Variants in PRKCH observed in about 807,000 individuals in gnomAD.
PRKCH encodes protein kinase C eta type.
Under a neutral mutation model 82.5 loss-of-function variants are expected in PRKCH, and 28 were observed. The ratio of observed to expected loss-of-function variants is 0.34; its 90% CI spans 0.25 to 0.47. The LOEUF is 0.47. Ranked by LOEUF, PRKCH falls within the 20% of genes least tolerant of loss-of-function variation. PRKCH has a pLI of 1.00. For missense variants in PRKCH, 705 were observed against 881.8 expected (o/e 0.80, Z 2.54); for synonymous variants, 322 against 327.4 (o/e 0.98, Z 0.18).
chr14:61,358,205 A>C (rs1028897034), intron 1 of PRKCH, among the ~76,000 whole-genome samples: 3 of 152,142 alleles, frequency 2.0e-5, no homozygotes, highest in Non-Finnish European at 4.4e-5. Context: ...GGGGATAAAA[A>C]TACTATCCAT....
intron 4 of PRKCH, 41 bp downstream of exon 4, chr14:61,445,767 A>G (rs1460477850): frequency 7.7e-6 from 12 of 1,555,956 alleles, no homozygotes; most frequent in Non-Finnish European, 1.1e-5. Context: ...TTTTGTTCCT[A>G]TGTTAAAAGA....
chr14:61,329,324 C>T (rs1311252577), intron 1 of PRKCH, among the ~76,000 whole-genome samples: 1 of 135,978 alleles, frequency 7.4e-6, no homozygotes, highest in Non-Finnish European at 1.6e-5. Context: ...TCAACCTCCG[C>T]CTCCCAGGTT....
At position 61,545,709 on chromosome 14, in the gene PRKCH, A is replaced by G. The variant is rs1594802769; in HGVS notation, c.1762-2034A>G. On this transcript the variant is annotated intron_variant, in intron 12 of 13. Transcript: ENST00000332981. ...TAAGTATCAAGCTAGTGAAAGGGTT[A>G]TTCTGCCTGTCCCCAATTCCAAGGG... Among the ~76,000 whole-genome samples, 3 of 152,362 alleles carry G rather than the reference A, an allele frequency of 2.0e-5. No homozygotes were observed. The Middle Eastern group carries it at 0.01, about 518-fold the overall frequency.
At chr14:61,486,209 A>G (rs3783772) in intron 10 of PRKCH, among the ~76,000 whole-genome samples, 131,962 of 151,710 alleles carry the variant, frequency 0.87, 59,003 homozygotes, top group Non-Finnish European at 0.96. Flanking sequence ...TAACATTTGA[A>G]GTGAATCCCT....
At chr14:61,245,676 A>C (rs76238241) in intron 1 of PRKCH, among the ~76,000 whole-genome samples, 10,491 of 58,204 alleles carry the variant, frequency 0.18, 414 homozygotes, top group Middle Eastern at 0.26. Context: ...CAGCCTCCTA[A>C]GGCACAGAGT....
chr14:61,358,806 G>A (rs1224325282), intron 1 of PRKCH, among the ~76,000 whole-genome samples: 1 of 152,046 alleles, frequency 6.6e-6, no homozygotes, highest in Non-Finnish European at 1.5e-5. Context: ...TGTGTTCCCT[G>A]TGCAGGCCCT....
At chr14:61,249,935 C>T (rs1252955708) in intron 1 of PRKCH, among the ~76,000 whole-genome samples, 1 of 150,866 alleles carries the variant, frequency 6.6e-6, no homozygotes, top group African/African-American at 2.4e-5. Flanking sequence ...TGGCAATTTA[C>T]CCAAATGTAT....
chr14:61,224,198 C>T (rs779390258), intron 1 of PRKCH, among the ~76,000 whole-genome samples: 42 of 152,128 alleles, frequency 2.8e-4, no homozygotes, highest in Non-Finnish European at 3.5e-4. Flanking sequence ...ACTTTTCCAC[C>T]TGTTTTTTAA....
At chr14:61,454,661 C>G (rs1884676802) in intron 7 of PRKCH, among the ~76,000 whole-genome samples, 1 of 152,220 alleles carries the variant, frequency 6.6e-6, no homozygotes, top group Non-Finnish European at 1.5e-5. Flanking sequence ...ACAGGAGTCT[C>G]TCCCTCTGGA....
At chr14:61,413,691 C>A (rs149858191) in intron 2 of PRKCH, among the ~76,000 whole-genome samples, 6 of 152,066 alleles carry the variant, frequency 3.9e-5, no homozygotes, top group Non-Finnish European at 7.4e-5. Flanking sequence ...CAGGCCTCCT[C>A]CTCCTAAAAA....
In PRKCH at chr14:61,242,464, C is replaced by T. The variant is rs542652526; in HGVS notation, c.-19+54796C>T. On this transcript the variant is annotated intron_variant, in intron 1 of 3. Coordinates refer to the PRKCH transcript ENST00000555185. Reference sequence around the variant, plus strand: ...CCAGGCTGGAGTGCAGTGGCACGATCTCAGCTCACCACAACCTCTGCCTCC... The same window carrying T: ...CCAGGCTGGAGTGCAGTGGCACGATTTCAGCTCACCACAACCTCTGCCTCC... Among the ~76,000 whole-genome samples, 3 of 152,342 alleles carry T rather than the reference C, an allele frequency of 2.0e-5. No individual in the cohort carries two copies. In the South Asian group the frequency reaches 6.2e-4, roughly 32 times the overall value.
chr14:61,398,056 C>A (rs1381525389), intron 2 of PRKCH, among the ~76,000 whole-genome samples: 10 of 152,188 alleles, frequency 6.6e-5, no homozygotes, highest in African/African-American at 2.4e-4. Flanking sequence ...TGCAGAATTC[C>A]CCTAGGCACT....
At chr14:61,486,037 C>T (rs1886206582) in intron 10 of PRKCH, among the ~76,000 whole-genome samples, 1 of 152,328 alleles carries the variant, frequency 6.6e-6, no homozygotes, top group South Asian at 2.1e-4. Flanking sequence ...TAAACACTGC[C>T]TGCAATCTAA....
intron 1 of PRKCH, among the ~76,000 whole-genome samples, chr14:61,217,524 A>G (rs1594857386): frequency 6.6e-6 from 1 of 152,202 alleles, no homozygotes; most frequent in Admixed American, 6.5e-5. Context: ...CACTTAGAGG[A>G]GCAGCTCTGT....
intron 1 of PRKCH, among the ~76,000 whole-genome samples, chr14:61,218,001 T>C (rs2044627079): frequency 6.6e-6 from 1 of 152,180 alleles, no homozygotes; most frequent in Non-Finnish European, 1.5e-5. Flanking sequence ...AGAGCTGATG[T>C]TATGTTCATG....
At chr14:61,506,663 A>C (rs940722805) in intron 10 of PRKCH, among the ~76,000 whole-genome samples, 2 of 152,154 alleles carry the variant, frequency 1.3e-5, no homozygotes. Flanking sequence ...AGAAAAGAAA[A>C]AAATGCTAAG....
intron 1 of PRKCH, among the ~76,000 whole-genome samples, chr14:61,283,977 A>G (rs1232847079): frequency 6.6e-6 from 1 of 152,232 alleles, no homozygotes; most frequent in Non-Finnish European, 1.5e-5. Flanking sequence ...TCTTTTTTAG[A>G]TGTCAGAGAA....
intron 2 of PRKCH, among the ~76,000 whole-genome samples, chr14:61,424,025 C>G (rs1882988315): frequency 6.6e-6 from 1 of 152,134 alleles, no homozygotes; most frequent in Non-Finnish European, 1.5e-5. Flanking sequence ...ATAAGGGGCT[C>G]TTCCCCCTTC....
chr14:61,286,415 C>T (rs1047620103), intron 1 of PRKCH, among the ~76,000 whole-genome samples: 1 of 152,186 alleles, frequency 6.6e-6, no homozygotes, highest in African/African-American at 2.4e-5. Flanking sequence ...ACCAGAGGCA[C>T]AAAAGACAGA....
Sources: allele counts gnomAD v4.1 joint callset (sites outside exome capture counted in the v4.1 genomes callset), GRCh38; gene constraint gnomAD v4.1.1; transcripts MANE v1.5; gene names NCBI Gene and HGNC (gene_info 2026-07-23, HGNC 2026-07-21).